PDE8B: variants seen among roughly 807,000 people sequenced by gnomAD.
PDE8B encodes the protein phosphodiesterase 8B.
PDE8B carries 26 observed loss-of-function variants against 101.3 expected under a neutral mutation model. The observed-to-expected ratio is 0.26, with a 90% confidence interval of 0.19 to 0.36. The LOEUF (loss-of-function observed/expected upper bound fraction) is 0.36. Ranked by LOEUF, PDE8B falls within the 10% of genes least tolerant of loss-of-function variation. PDE8B has a pLI of 1.00. For synonymous variants in PDE8B, 424 were observed against 429.3 expected (o/e 0.99, Z 0.15); for missense variants, 810 against 1,163.1 (o/e 0.70, Z 4.42).
At chr5:77,115,044 A>G in the PDE8B span, 1 of 152,220 alleles carries the variant, frequency 6.6e-6, no homozygotes, top group African/African-American at 2.4e-5. Flanking sequence ...TTCAGTAAAT[A>G]CCTGCTGACA....
At chr5:77,366,756 C>T (rs1341112211) in intron 10 of PDE8B, among the ~76,000 whole-genome samples, 9 of 152,184 alleles carry the variant, frequency 5.9e-5, no homozygotes, top group African/African-American at 1.9e-4. Context: ...AACAGTGGCC[C>T]CAGAGACATG....
intron 12 of PDE8B, among the ~76,000 whole-genome samples, chr5:77,406,375 G>T (rs1217842910): frequency 6.6e-6 from 1 of 152,220 alleles, no homozygotes; most frequent in East Asian, 1.9e-4. Context: ...GCATGTGAGG[G>T]ACAGTAACCA....
chr5:77,381,953 C>T (rs1406895861), intron 10 of PDE8B, among the ~76,000 whole-genome samples: 1 of 152,060 alleles, frequency 6.6e-6, no homozygotes, highest in East Asian at 1.9e-4. Context: ...GTAGGGTGTC[C>T]CAGGGACTGT....
intron 1 of PDE8B, among the ~76,000 whole-genome samples, chr5:77,279,959 C>T (rs1368456648): frequency 1.3e-5 from 2 of 152,198 alleles, no homozygotes; most frequent in South Asian, 2.1e-4. Flanking sequence ...CTTTTCATTG[C>T]ATGCCTTTCC....
At chr5:77,425,424 G>GT (rs1357142799) in intron 20 of PDE8B, among the ~76,000 whole-genome samples, 1 of 152,150 alleles carries the variant, frequency 6.6e-6, no homozygotes, top group Non-Finnish European at 1.5e-5. Context: ...GTGGTGACAG[G>GT]TGCCTGTATT....
intron 12 of PDE8B, among the ~76,000 whole-genome samples, chr5:77,405,703 G>T (rs1207404086): frequency 6.6e-6 from 1 of 152,188 alleles, no homozygotes; most frequent in Non-Finnish European, 1.5e-5. Context: ...CCATGAGAGT[G>T]CAGTGTCACA....
intron 1 of PDE8B, among the ~76,000 whole-genome samples, chr5:77,223,943 T>C (rs2149447850): frequency 6.6e-6 from 1 of 152,350 alleles, no homozygotes; most frequent in South Asian, 2.1e-4. Context: ...TACTGCTTTA[T>C]CTTTTTAGTT....
chr5:77,413,034 T>C, intron 16 of PDE8B, 77 bp from the exon 17 acceptor site: 4 of 1,176,956 alleles, frequency 3.4e-6, no homozygotes, highest in Non-Finnish European at 5.1e-6. Context: ...AATGCTTCCA[T>C]GCCCCACTAT....
intron 1 of PDE8B, among the ~76,000 whole-genome samples, chr5:77,300,471 A>G (rs999704148): frequency 3.3e-5 from 5 of 152,198 alleles, no homozygotes; most frequent in Non-Finnish European, 7.3e-5. Context: ...GGGAATTACC[A>G]TGGGAGCCCA....
At chr5:77,388,691 G>C (rs1268629897) in intron 10 of PDE8B, among the ~76,000 whole-genome samples, 1 of 152,206 alleles carries the variant, frequency 6.6e-6, no homozygotes, top group East Asian at 1.9e-4. Context: ...TCCCCAACAT[G>C]CTCTGTCCCA....
rs377218948 is a variant in PDE8B at position 77,384,397 on chromosome 5, TA to T, written c.1168-15848del. Among the ~76,000 whole-genome samples the T allele has an allele frequency of 4.1e-3, 617 of 152,300 alleles. 5 individuals carry two copies. The highest frequency in any genetic ancestry group is 0.014 in the African/African-American group (598 of 41,564). On this transcript the variant is annotated intron_variant, in intron 10 of 21. Transcript: ENST00000264917. Reference sequence around the variant, plus strand: ...TTTGGGGCTGAGACGATGGGTTTTCTAAATATACAATCATGTCATCTGCAGA... The same window carrying T: ...TTTGGGGCTGAGACGATGGGTTTTCTAATATACAATCATGTCATCTGCAGA...
chr5:77,325,825 T>A (rs1170649618), intron 3 of PDE8B, 96 bp downstream of exon 3: 4 of 885,550 alleles, frequency 4.5e-6, no homozygotes, highest in Admixed American at 1.9e-5. Flanking sequence ...CAAATATTTT[T>A]AAAATATGCG....
intron 1 of PDE8B, among the ~76,000 whole-genome samples, chr5:77,302,247 T>C (rs1323800021): frequency 1.3e-5 from 2 of 152,224 alleles, no homozygotes; most frequent in African/African-American, 2.4e-5. Context: ...GGCCTCTTTA[T>C]CTTTTCTCAC....
chr5:77,235,330 T>C (rs1754437020), intron 1 of PDE8B, among the ~76,000 whole-genome samples: 1 of 152,226 alleles, frequency 6.6e-6, no homozygotes, highest in South Asian at 2.1e-4. Context: ...GATGAAATAC[T>C]CAGAATGGCC....
Position 77,427,125 on chromosome 5 carries a change from A to G in PDE8B, c.*571A>G, listed in dbSNP as rs1581670436. 6.3e-6 allele frequency: 1 copy of G among 157,512 alleles called. No individual in the cohort carries two copies. Among genetic ancestry groups the G allele is most frequent in the Non-Finnish European group, 1.4e-5 (1 of 71,206 alleles). 9.8% of individuals were successfully genotyped at this position (157,512 alleles called of 1,614,324 possible). On this transcript the variant is annotated 3_prime_UTR_variant, in exon 22 of 22. Coordinates refer to ENST00000264917, the MANE Select transcript of PDE8B (RefSeq NM_003719.5). ...TTAGCTTCACAGCCTCTATGGCTAC[A>G]TGGTTCTTCTGGCCGATGGTATGAC...
At chr5:77,248,627 A>T (rs1757448220) in intron 1 of PDE8B, among the ~76,000 whole-genome samples, 1 of 152,312 alleles carries the variant, frequency 6.6e-6, no homozygotes, top group Admixed American at 6.5e-5. Flanking sequence ...CATCAGATGC[A>T]CTTGCAGAAT....
At chr5:77,150,315 TAG>T in the PDE8B span, among the ~76,000 whole-genome samples, 1 of 152,216 alleles carries the variant, frequency 6.6e-6, no homozygotes, top group African/African-American at 2.4e-5. Context: ...CTGCAGGACA[TAG>T]AATGTGTGAC....
At chr5:77,190,542 G>T in the PDE8B span, among the ~76,000 whole-genome samples, 1 of 152,200 alleles carries the variant, frequency 6.6e-6, no homozygotes, top group African/African-American at 2.4e-5. Flanking sequence ...TACTAAGTGA[G>T]GCTCAATGAG....
the PDE8B span, among the ~76,000 whole-genome samples, chr5:77,158,740 G>A: frequency 6.6e-6 from 1 of 152,156 alleles, no homozygotes; most frequent in Non-Finnish European, 1.5e-5. Flanking sequence ...TCCTCTGGGT[G>A]TGGCCTGTCC....
Sources: allele counts gnomAD v4.1 joint callset (sites outside exome capture counted in the v4.1 genomes callset), GRCh38; gene constraint gnomAD v4.1.1; transcripts MANE v1.5; gene names NCBI Gene and HGNC (gene_info 2026-07-23, HGNC 2026-07-21).